KCNT2: variants seen among roughly 807,000 people sequenced by gnomAD.
KCNT2 encodes the protein potassium channel subfamily T member 2.
KCNT2 carries 67 observed loss-of-function variants against 153.8 expected under a neutral mutation model. The ratio of observed to expected loss-of-function variants is 0.44; its 90% CI spans 0.36 to 0.53. The LOEUF (loss-of-function observed/expected upper bound fraction) is 0.53, where lower values mean the gene tolerates loss of function less well. Among genes scored for constraint, KCNT2 ranks in the 20% least tolerant of loss-of-function variants. The pLI is 0.00. For synonymous variants in KCNT2, 500 were observed against 458.8 expected (o/e 1.09, Z -1.15); for missense variants, 975 against 1,354.8 (o/e 0.72, Z 4.40).
rs1286790415 is a variant in KCNT2 at position 196,241,752 on chromosome 1, T to C, written c.3212-5682A>G. On this transcript the variant is annotated intron_variant, in intron 26 of 27. Coordinates refer to ENST00000294725, the MANE Select transcript of KCNT2 (RefSeq NM_198503.5). The stretch of plus-strand genomic sequence containing the variant: ...TGCCATGAGCCACTCCATCACTTAC[T>C]AGCTTCCTGCAAATAAAACTAATTA... Among the ~76,000 whole-genome samples the C allele has an allele frequency of 5.9e-5, 9 of 152,218 alleles. No individual in the cohort carries two copies. In the South Asian group the frequency reaches 8.3e-4, roughly 14 times the overall value.
intron 12 of KCNT2, among the ~76,000 whole-genome samples, chr1:196,405,959 C>G (rs532414204): frequency 6.6e-6 from 1 of 151,530 alleles, no homozygotes; most frequent in Non-Finnish European, 1.5e-5. Context: ...GAGAACAAAC[C>G]TGTCTTGAAA....
At chr1:196,431,435 C>T (rs932972410) in intron 8 of KCNT2, among the ~76,000 whole-genome samples, 5 of 151,942 alleles carry the variant, frequency 3.3e-5, no homozygotes, top group African/African-American at 1.2e-4. Context: ...GTAGAGAGAG[C>T]CTAACTCTTC....
intron 8 of KCNT2, among the ~76,000 whole-genome samples, chr1:196,444,023 G>A (rs546145511): frequency 4.0e-5 from 6 of 151,396 alleles, no homozygotes; most frequent in African/African-American, 1.4e-4. Flanking sequence ...TTAAAAAAGG[G>A]CCTAGAAATG....
At chr1:196,361,280 G>A (rs1667600166) in intron 14 of KCNT2, among the ~76,000 whole-genome samples, 1 of 151,900 alleles carries the variant, frequency 6.6e-6, no homozygotes, top group Admixed American at 6.6e-5. Context: ...GTTTGCCATA[G>A]ATAGTGTCTG....
intron 1 of KCNT2, among the ~76,000 whole-genome samples, chr1:196,497,950 G>A (rs1334613808): frequency 6.6e-6 from 1 of 152,106 alleles, no homozygotes; most frequent in Non-Finnish European, 1.5e-5. Context: ...CTTCGAATAT[G>A]AATTGAACAA....
chr1:196,361,580 C>CTT (rs1667627089), intron 14 of KCNT2, among the ~76,000 whole-genome samples: 1 of 151,926 alleles, frequency 6.6e-6, no homozygotes, highest in South Asian at 2.1e-4. Context: ...ACACTGTCTA[C>CTT]CTGAGAAGTT....
At chr1:196,306,496 TA>T (rs979716330) in intron 21 of KCNT2, among the ~76,000 whole-genome samples, 8 of 152,136 alleles carry the variant, frequency 5.3e-5, no homozygotes, top group Admixed American at 5.2e-4. Context: ...GACGAGTTTT[TA>T]CCTTTCCTCA....
intron 13 of KCNT2, among the ~76,000 whole-genome samples, chr1:196,387,140 AAAT>A (rs1670063586): frequency 6.6e-6 from 1 of 152,052 alleles, no homozygotes; most frequent in Admixed American, 6.6e-5. Flanking sequence ...AGTAAATTAA[AAAT>A]AATAATCATC....
chr1:196,474,421 G>A (rs187836578), intron 5 of KCNT2, among the ~76,000 whole-genome samples: 1,727 of 152,156 alleles, frequency 0.011, 28 homozygotes, highest in South Asian at 0.071. Flanking sequence ...GGCAGTCTTT[G>A]TATTTCTACA....
chr1:196,323,687 C>T lies in KCNT2; in HGVS notation c.2276+3030G>A, dbSNP rs2148057178. Among the ~76,000 whole-genome samples, 2 of 151,982 alleles carry T rather than the reference C, an allele frequency of 1.3e-5. 1 individual carries two copies. Among genetic ancestry groups the T allele is most frequent in the South Asian group, 4.1e-4 (2 of 4,822 alleles). On this transcript the variant is annotated intron_variant, in intron 19 of 27. Coordinates refer to ENST00000294725, the MANE Select transcript of KCNT2 (RefSeq NM_198503.5). ...ACATTTTAAAATCCCATGCTTATTACATCTGCTATTATTTATTTCTGTTAT... is the reference window on the plus strand; with the variant it reads ...ACATTTTAAAATCCCATGCTTATTATATCTGCTATTATTTATTTCTGTTAT...
chr1:196,362,403 G>T (rs755290711), intron 14 of KCNT2, among the ~76,000 whole-genome samples: 1 of 151,964 alleles, frequency 6.6e-6, no homozygotes, highest in Non-Finnish European at 1.5e-5. Context: ...TCTGGATGCC[G>T]GAGCATGACA....
At chr1:196,472,194 A>G (rs1678162139) in intron 5 of KCNT2, among the ~76,000 whole-genome samples, 1 of 152,118 alleles carries the variant, frequency 6.6e-6, no homozygotes, top group Non-Finnish European at 1.5e-5. Flanking sequence ...GAATGAGTAA[A>G]TGATACTCCC....
intron 22 of KCNT2, among the ~76,000 whole-genome samples, chr1:196,287,974 C>T (rs1436864319): frequency 6.6e-6 from 1 of 151,910 alleles, no homozygotes; most frequent in Admixed American, 6.6e-5. Context: ...TTAGGAAGGG[C>T]ACCTAGCTTA....
intron 1 of KCNT2, among the ~76,000 whole-genome samples, chr1:196,535,717 C>G (rs1271692420): frequency 1.3e-5 from 2 of 152,176 alleles, no homozygotes; most frequent in Non-Finnish European, 2.9e-5. Context: ...AGCTTTTTCT[C>G]TCTGAGCATG....
chr1:196,282,799 C>T (rs1321354192), intron 23 of KCNT2, among the ~76,000 whole-genome samples: 1 of 152,092 alleles, frequency 6.6e-6, no homozygotes, highest in East Asian at 1.9e-4. Flanking sequence ...TTTATTATTG[C>T]ATATTCTTTT....
rs1313914815 is a variant in KCNT2, at chr1:196,228,103, G to C, written c.*121C>G. 2.3e-5 allele frequency: 14 copies of C among 620,880 alleles called. No homozygotes were observed. Among genetic ancestry groups the C allele is most frequent in the Non-Finnish European group, 4.0e-5 (14 of 347,022 alleles). The allele number at this position is 620,880 out of a possible 1,614,324, so 38.5% of individuals were successfully genotyped here. A position where few individuals can be genotyped will look rare whatever the true frequency, so the allele number is the denominator to read the frequency against. ...AATGATCTATACTTCTAAGAGAAGA[G>C]ATTACGTTTTTAAATATGAGAGAAT... On this transcript the variant is annotated 3_prime_UTR_variant, in exon 28 of 28. Coordinates refer to ENST00000294725, the MANE Select transcript of KCNT2 (RefSeq NM_198503.5).
intron 12 of KCNT2, among the ~76,000 whole-genome samples, chr1:196,405,597 C>T (rs1470503309): frequency 6.6e-6 from 1 of 151,426 alleles, no homozygotes; most frequent in African/African-American, 2.4e-5. Flanking sequence ...TTATTTACCT[C>T]TCCATAAATT....
chr1:196,282,817 C>T (rs1030742017), intron 23 of KCNT2, among the ~76,000 whole-genome samples: 3 of 152,040 alleles, frequency 2.0e-5, no homozygotes, highest in African/African-American at 7.2e-5. Context: ...TTTTCCACAA[C>T]ACTTCATGAT....
chr1:196,564,603 A>T (rs1423271834), intron 1 of KCNT2, among the ~76,000 whole-genome samples: 2 of 151,994 alleles, frequency 1.3e-5, no homozygotes, highest in Non-Finnish European at 1.5e-5. Flanking sequence ...CAAATATACC[A>T]CAAAGCTATA....
Sources: gnomAD v4.1 joint callset for allele counts (sites outside exome capture counted in the v4.1 genomes callset) on GRCh38, gnomAD v4.1.1 for gene constraint, MANE v1.5 for transcripts, NCBI Gene and HGNC (gene_info 2026-07-23, HGNC 2026-07-21) for gene names.